The following PLA2G4D variants were observed in gnomAD, a reference collection of about 807,000 sequenced individuals.
PLA2G4D encodes the protein phospholipase A2 group IVD.
In PLA2G4D, 80 loss-of-function variants were observed where a neutral mutation model predicts 94.4. The observed-to-expected ratio is 0.85, with a 90% CI of 0.71 to 1.02. The LOEUF (loss-of-function observed/expected upper bound fraction) is 1.02. Ranked by LOEUF, PLA2G4D falls within the 50% of genes least tolerant of loss-of-function variation. The pLI is 0.00. For missense variants in PLA2G4D, 1,050 were observed against 1,034.7 expected (o/e 1.01, Z -0.20); for synonymous variants, 438 against 440.9 (o/e 0.99, Z 0.08).
At chr15:42,089,867 C>T (rs1415510501) in intron 1 of PLA2G4D, among the ~76,000 whole-genome samples, 1 of 152,190 alleles carries the variant, frequency 6.6e-6, no homozygotes. Flanking sequence ...TAGCCAGTCA[C>T]CATCCCGGGT....
Position 42,087,623 on chromosome 15 carries a change from CTCACACAGG to C in PLA2G4D, c.114_118+4del, listed in dbSNP as rs753645267. The C allele has an allele frequency of 1.9e-6, 3 of 1,614,134 alleles. No individual in the cohort carries two copies. The Admixed American group carries it at 5.0e-5, about 27-fold the overall frequency. ...CCCGACAGAGCGCACAGGGCGGTTACTCACACAGGTCAGCCCAGCGCAGGTTCCGCGCCT... is the reference window on the plus strand; with the variant it reads ...CCCGACAGAGCGCACAGGGCGGTTACTCAGCCCAGCGCAGGTTCCGCGCCT... On this transcript the variant is annotated splice_donor_variant and splice_donor_region_variant and coding_sequence_variant and intron_variant, in exon 2 of 20. Transcript: ENST00000290472. LOFTEE classifies it high-confidence loss of function.
intron 5 of PLA2G4D, 116 bp from the exon 6 acceptor site, chr15:42,085,254 G>T: frequency 8.1e-7 from 1 of 1,241,052 alleles, no homozygotes; most frequent in Non-Finnish European, 1.2e-6. Context: ...ATTCGGTTCA[G>T]GGACAAGGGG....
intron 13 of PLA2G4D, among the ~76,000 whole-genome samples, chr15:42,078,414 A>G (rs1405541291): frequency 1.3e-5 from 2 of 152,246 alleles, no homozygotes; most frequent in Non-Finnish European, 2.9e-5. Flanking sequence ...TGGTAAGTTC[A>G]TGCATATTCA....
In PLA2G4D at chr15:42,071,309, G is replaced by T; in HGVS notation, c.1690C>A (p.Pro564Thr). ...KDKTRSLEKE[P>T]LTTSGTSSRL... ...GAGGAGGTCCCCGAGGTGGTCAGGGGCTCCTTCTCTGAAGCCAGAGAAACA... is the reference window on the plus strand; with the variant it reads ...GAGGAGGTCCCCGAGGTGGTCAGGGTCTCCTTCTCTGAAGCCAGAGAAACA... Residue 564 changes from proline to threonine, a missense_variant, in exon 17 of 20, where the codon CCC becomes ACC. By Grantham distance (38) the Pro-to-Thr change is conservative (BLOSUM62 -1). Coordinates refer to ENST00000290472, the MANE Select transcript of PLA2G4D (RefSeq NM_178034.4). The T allele has an allele frequency of 6.3e-7, 1 of 1,581,338 alleles. No individual in the cohort carries two copies. The highest frequency in any genetic ancestry group is 1.2e-5 in the South Asian group (1 of 86,698).
chr15:42,082,270 G>A lies in PLA2G4D; in HGVS notation c.783+9C>T. On this transcript the variant is annotated intron_variant, in intron 9 of 19. Coordinates refer to ENST00000290472, the MANE Select transcript of PLA2G4D (RefSeq NM_178034.4). The stretch of plus-strand genomic sequence containing the variant: ...TACTGGCATTTCCCATCCAGTTGAG[G>A]CCACTTACATTTGGAGCAGGAACAT... The A allele has an allele frequency of 3.7e-6, 6 of 1,606,618 alleles. No individual in the cohort carries two copies. The highest frequency in any genetic ancestry group is 5.1e-6 in the Non-Finnish European group (6 of 1,173,380).
intron 1 of PLA2G4D, among the ~76,000 whole-genome samples, chr15:42,093,130 C>T (rs891803808): frequency 1.3e-5 from 2 of 152,146 alleles, no homozygotes; most frequent in Admixed American, 1.3e-4. Context: ...GGTTCCAGGC[C>T]CCTGTTCCAG....
chr15:42,075,332 C>A (rs1020358040), intron 13 of PLA2G4D, among the ~76,000 whole-genome samples: 1 of 152,160 alleles, frequency 6.6e-6, no homozygotes, highest in Non-Finnish European at 1.5e-5. Flanking sequence ...TTTCTAGCAC[C>A]TTGTAAAGTG....
intron 19 of PLA2G4D, 85 bp downstream of exon 19, chr15:42,069,824 C>T (rs763814689): frequency 9.2e-6 from 11 of 1,194,882 alleles, no homozygotes; most frequent in Admixed American, 4.0e-5. Context: ...GACTCATTTC[C>T]CTTCCCTCTG....
At chr15:42,079,794 G>A (rs564129708) in intron 12 of PLA2G4D, 35 bp from the exon 13 acceptor site, 16 of 1,576,296 alleles carry the variant, frequency 1.0e-5, no homozygotes, top group South Asian at 8.2e-5. Flanking sequence ...GTAGGAGCCC[G>A]AGGCCCAGCA....
chr15:42,085,362 C>T (rs1336651884), intron 5 of PLA2G4D, 129 bp downstream of exon 5: 6 of 1,181,940 alleles, frequency 5.1e-6, no homozygotes, highest in African/African-American at 1.5e-5. Context: ...GCCCCACTCC[C>T]GACCTCTCTG....
chr15:42,085,614 A>C, intron 4 of PLA2G4D, 83 bp from the exon 5 acceptor site: 4 of 1,412,326 alleles, frequency 2.8e-6, no homozygotes, highest in Non-Finnish European at 4.0e-6. Context: ...GTGTCATCTC[A>C]TCCTCTCAAG....
chr15:42,084,403 T>G lies in PLA2G4D; in HGVS notation c.472-624A>C, dbSNP rs1454890920. On this transcript the variant is annotated intron_variant, in intron 6 of 19. Transcript: ENST00000290472. This position sits in a 1 kb window ranked among gnomAD's most constrained non-coding sequence, Gnocchi z 4.8. The stretch of plus-strand genomic sequence containing the variant: ...TGCCATCGGCTTGACTTTATTTTCA[T>G]GTGTATTTTTAAAAGTAATACCCGT... Among the ~76,000 whole-genome samples the G allele has an allele frequency of 6.6e-6, 1 of 152,210 alleles. No individual in the cohort carries two copies. The highest frequency in any genetic ancestry group is 1.5e-5 in the Non-Finnish European group (1 of 68,040).
At chr15:42,073,496 G>A (rs1376478459) in intron 13 of PLA2G4D, among the ~76,000 whole-genome samples, 1 of 152,242 alleles carries the variant, frequency 6.6e-6, no homozygotes, top group Non-Finnish European at 1.5e-5. Flanking sequence ...CGCCAGAGCT[G>A]AGGTTGATGC....
chr15:42,079,468 C>G, intron 13 of PLA2G4D, 69 bp downstream of exon 13: 1 of 1,466,026 alleles, frequency 6.8e-7, no homozygotes, highest in South Asian at 1.3e-5. Flanking sequence ...GCATGTCAGC[C>G]GCTTGGGAGC....
chr15:42,094,383 CTGGT>C, intron 1 of PLA2G4D, 28 bp downstream of exon 1: 1 of 1,613,420 alleles, frequency 6.2e-7, no homozygotes, highest in Non-Finnish European at 8.5e-7. Context: ...CCTGCCCTGA[CTGGT>C]GCCCACATGC....
chr15:42,090,355 A>C (rs1890226203), intron 1 of PLA2G4D, among the ~76,000 whole-genome samples: 1 of 152,240 alleles, frequency 6.6e-6, no homozygotes, highest in Admixed American at 6.5e-5. Flanking sequence ...TGCAGATACC[A>C]GGATGAAATC....
At position 42,083,248 on chromosome 15, in the gene PLA2G4D, G is replaced by A. The variant is rs375166725; in HGVS notation, c.622C>T (p.Arg208Cys). 23 of 1,614,164 alleles carry A rather than the reference G, an allele frequency of 1.4e-5. No individual in the cohort carries two copies. Among genetic ancestry groups the A allele is most frequent in the African/African-American group, 1.1e-4 (8 of 75,056 alleles). Residue 208 changes from arginine to cysteine, a missense_variant, in exon 8 of 20, where the codon CGC (arginine) becomes TGC (cysteine). By Grantham distance (180) the Arg-to-Cys change is radical. Coordinates refer to ENST00000290472, the MANE Select transcript of PLA2G4D (RefSeq NM_178034.4). ...TCTAGGGCTGCCATGTAGTGGAAGC[G>A]GAAGGCAGAGGCTGTGCCCAGGAAG... ...TSFLGTASAF[R>C]FHYMAALETE...
chr15:42,069,008 C>A, intron 19 of PLA2G4D, 67 bp from the exon 20 acceptor site: 1 of 1,423,016 alleles, frequency 7.0e-7, no homozygotes. Context: ...CAGCGGCGCA[C>A]AGGGAGGGCT....
intron 15 of PLA2G4D, 66 bp from the exon 16 acceptor site, chr15:42,071,617 G>A: frequency 6.6e-7 from 1 of 1,525,540 alleles, no homozygotes; most frequent in Non-Finnish European, 9.0e-7. Context: ...GGTACTGATG[G>A]AAAATGGGAG....
Sources: gnomAD v4.1 joint callset for allele counts (sites outside exome capture counted in the v4.1 genomes callset) on GRCh38, gnomAD v4.1.1 for gene constraint, Gnocchi (gnomAD v3.1) non-coding constraint, MANE v1.5 for transcripts, NCBI Gene and HGNC (gene_info 2026-07-23, HGNC 2026-07-21) for gene names.